PIP4K2A: variants seen among roughly 807,000 people sequenced by gnomAD.
PIP4K2A encodes phosphatidylinositol-5-phosphate 4-kinase type 2 alpha, also known as phosphatidylinositol 5-phosphate 4-kinase type-2 alpha.
A neutral mutation model predicts 42.9 loss-of-function variants in PIP4K2A; 14 were observed. That is an observed-to-expected ratio of 0.33 (90% CI 0.22 to 0.51). The LOEUF (loss-of-function observed/expected upper bound fraction) is 0.51. PIP4K2A is among the 20% of genes least tolerant of loss of function. The probability of loss-of-function intolerance (pLI) is 0.97; values close to 1 mark genes in which losing one functional copy is unlikely to be tolerated. For missense variants in PIP4K2A, 434 were observed against 519.8 expected, an observed-to-expected ratio of 0.83 and a Z score of 1.61; for synonymous variants, 192 against 192.2, an observed-to-expected ratio of 1.00 and a Z score of 0.01.
intron 7 of PIP4K2A, among the ~76,000 whole-genome samples, chr10:22,550,132 A>G (rs762386184): frequency 1.3e-5 from 2 of 152,082 alleles, no homozygotes; most frequent in Non-Finnish European, 2.9e-5. Flanking sequence ...TAGTCCCACA[A>G]TGTGTAAGGG....
chr10:22,661,216 G>A (rs895368227), intron 1 of PIP4K2A, among the ~76,000 whole-genome samples: 2 of 152,148 alleles, frequency 1.3e-5, no homozygotes, highest in Non-Finnish European at 2.9e-5. Flanking sequence ...AAAAACCACT[G>A]TTAACTCCAA....
intron 6 of PIP4K2A, among the ~76,000 whole-genome samples, chr10:22,554,268 T>A (rs1337846637): frequency 6.6e-6 from 1 of 152,238 alleles, no homozygotes; most frequent in Non-Finnish European, 1.5e-5. Context: ...TGAGCAGTGC[T>A]TATATTAGAA....
chr10:22,660,786 A>G (rs1839191564), intron 1 of PIP4K2A, among the ~76,000 whole-genome samples: 1 of 152,144 alleles, frequency 6.6e-6, no homozygotes, highest in Non-Finnish European at 1.5e-5. Flanking sequence ...CCATACTTCT[A>G]GAACTCAAGA....
At chr10:22,637,163 A>T (rs1319991988) in intron 1 of PIP4K2A, among the ~76,000 whole-genome samples, 1 of 152,236 alleles carries the variant, frequency 6.6e-6, no homozygotes, top group Non-Finnish European at 1.5e-5. Context: ...ATGGAAGTGT[A>T]TATTTTAAAA....
Position 22,573,343 on chromosome 10 carries a change from G to T in PIP4K2A, c.607C>A (p.Arg203Ser), listed in dbSNP as rs1434961899. ...TCGTATTTCCTATACACAGACAAAC[G>T]GTGGCTGAATACATTTCTTGTAACT... ...VIVTRNVFSH[R>S]LSVYRKYDLK... is the part of the protein sequence containing the mutation. The change falls in exon 5 of 10, where the codon CGT becomes AGT. Residue 203 changes from arginine to serine, a missense_variant. Around this residue, in one of 2 missense-constraint regions of PIP4K2A, gnomAD observed 395 missense variants for 444.5 expected, o/e 0.89. Transcript: ENST00000376573. 5 of 1,613,498 alleles carry T rather than the reference G, an allele frequency of 3.1e-6. No homozygotes were observed. The African/African-American group carries it at 6.7e-5, about 22-fold the overall frequency.
chr10:22,602,190 C>T (rs113855018), intron 3 of PIP4K2A, among the ~76,000 whole-genome samples: 3,663 of 151,776 alleles, frequency 0.024, 144 homozygotes, highest in African/African-American at 0.082. Context: ...CCCAGGAGTT[C>T]GAGACCAGCC....
At chr10:22,669,774 A>G (rs529935815) in intron 1 of PIP4K2A, among the ~76,000 whole-genome samples, 3 of 152,084 alleles carry the variant, frequency 2.0e-5, no homozygotes, top group African/African-American at 7.2e-5. Flanking sequence ...TTTTTTACCA[A>G]CCGTTTTTTG....
chr10:22,635,145 A>G (rs1838636079), intron 1 of PIP4K2A, among the ~76,000 whole-genome samples: 1 of 152,172 alleles, frequency 6.6e-6, no homozygotes, highest in South Asian at 2.1e-4. Flanking sequence ...ACTATTCTGT[A>G]TCATACTATT....
intron 4 of PIP4K2A, among the ~76,000 whole-genome samples, chr10:22,589,928 C>A (rs1015682010): frequency 6.6e-6 from 1 of 152,096 alleles, no homozygotes; most frequent in Admixed American, 6.6e-5. Flanking sequence ...TTTGTGTCCC[C>A]CAAAATGCTT....
intron 1 of PIP4K2A, chr10:22,713,904 G>T (rs138895702): frequency 1.2e-5 from 3 of 257,798 alleles, no homozygotes; most frequent in Non-Finnish European, 2.2e-5. Flanking sequence ...GGGCGGACCG[G>T]GGGCGGCACT....
At chr10:22,611,865 A>G (rs1838049819) in intron 1 of PIP4K2A, among the ~76,000 whole-genome samples, 1 of 152,250 alleles carries the variant, frequency 6.6e-6, no homozygotes, top group African/African-American at 2.4e-5. Context: ...CTTGTGGAAC[A>G]AGAGAAAGCG....
chr10:22,570,732 G>A (rs375296609), intron 5 of PIP4K2A, among the ~76,000 whole-genome samples: 8 of 152,034 alleles, frequency 5.3e-5, no homozygotes, highest in African/African-American at 1.2e-4. Flanking sequence ...CTTTTTCAGC[G>A]TCTTGATATT....
chr10:22,705,979 C>T (rs1013750005), intron 1 of PIP4K2A, among the ~76,000 whole-genome samples: 1 of 151,860 alleles, frequency 6.6e-6, no homozygotes, highest in Non-Finnish European at 1.5e-5. Flanking sequence ...CATCCTTCTT[C>T]ACATGGCAGC....
At chr10:22,661,349 C>CT (rs374324575) in intron 1 of PIP4K2A, among the ~76,000 whole-genome samples, 4,570 of 99,724 alleles carry the variant, frequency 0.046, 318 homozygotes, top group African/African-American at 0.11. Context: ...ATGATGCTGC[C>CT]TTTTTTTTTT....
At chr10:22,612,330 G>A (rs145614313) in intron 1 of PIP4K2A, among the ~76,000 whole-genome samples, 1 of 152,330 alleles carries the variant, frequency 6.6e-6, no homozygotes, top group African/African-American at 2.4e-5. Context: ...TGGGCTACGA[G>A]CAAGTATGGA....
At chr10:22,573,531 G>T in intron 4 of PIP4K2A, 74 bp from the exon 5 acceptor site, 2 of 1,298,514 alleles carry the variant, frequency 1.5e-6, no homozygotes, top group East Asian at 2.4e-5. Flanking sequence ...AAATACATAC[G>T]CCTATGGTGT....
rs1019008546 is a variant in PIP4K2A at position 22,670,249 on chromosome 10, C to T, written c.144+43934G>A. Reference sequence around the variant, plus strand: ...CAAAAATTAGTCAGGCATGGTGGTGCGCCCCTGTAGTCCCACCTACTTGGG... The same window carrying T: ...CAAAAATTAGTCAGGCATGGTGGTGTGCCCCTGTAGTCCCACCTACTTGGG... On this transcript the variant is annotated intron_variant, in intron 1 of 9. Transcript: ENST00000376573. Among the ~76,000 whole-genome samples, 7 of 152,056 alleles carry T rather than the reference C, an allele frequency of 4.6e-5. No homozygotes were observed. The South Asian group carries it at 6.2e-4, about 14-fold the overall frequency.
chr10:22,552,947 G>T (rs1836448955), intron 6 of PIP4K2A, among the ~76,000 whole-genome samples: 1 of 152,174 alleles, frequency 6.6e-6, no homozygotes. Context: ...CGACAAGGCA[G>T]TAAATTACAT....
In PIP4K2A at chr10:22,664,079, A is replaced by G. The variant is rs1328544209; in HGVS notation, c.144+50104T>C. Among the ~76,000 whole-genome samples, 33 of 80,104 alleles carry G rather than the reference A, an allele frequency of 4.1e-4. 2 individuals carry two copies. Among genetic ancestry groups the G allele is most frequent in the Admixed American group, 3.6e-3 (26 of 7,224 alleles). 52.6% of individuals were successfully genotyped at this position (80,104 alleles called of 152,430 possible). A position where few individuals can be genotyped will look rare whatever the true frequency, so the allele number is the denominator to read the frequency against. Reference sequence around the variant, plus strand: ...TATATATACATATATATATATACGTATATATATATACATATATATATATAC... The same window carrying G: ...TATATATACATATATATATATACGTGTATATATATACATATATATATATAC... On this transcript the variant is annotated intron_variant, in intron 1 of 9. Transcript: ENST00000376573.
Sources: allele counts gnomAD v4.1 joint callset (sites outside exome capture counted in the v4.1 genomes callset), GRCh38; gene constraint gnomAD v4.1.1; regional missense constraint gnomAD v4.1.1; transcripts MANE v1.5; gene names NCBI Gene and HGNC (gene_info 2026-07-23, HGNC 2026-07-21).